Variants in NIBAN2 observed in about 807,000 individuals in gnomAD.
NIBAN2 encodes the protein protein Niban 2.
A neutral mutation model predicts 81.8 loss-of-function variants in NIBAN2; 36 were observed. That is an observed-to-expected ratio of 0.44 (90% CI 0.34 to 0.58). NIBAN2 has a LOEUF of 0.58. Ranked by LOEUF, NIBAN2 falls within the 20% of genes least tolerant of loss-of-function variation. The probability of loss-of-function intolerance (pLI) is 0.02; values close to 1 mark genes in which losing one functional copy is unlikely to be tolerated. For synonymous variants in NIBAN2, 445 were observed against 441.6 expected (o/e 1.01, Z -0.10); for missense variants, 897 against 1,014.1 (o/e 0.88, Z 1.57).
At chr9:127,577,470 C>T (rs1425096334) in intron 1 of NIBAN2, among the ~76,000 whole-genome samples, 1 of 146,776 alleles carries the variant, frequency 6.8e-6, no homozygotes, top group Admixed American at 6.8e-5. Flanking sequence ...CCCACACCAT[C>T]CTCCAGATCC....
In NIBAN2 at chr9:127,507,055, G is replaced by A. The variant is rs1391672529; in HGVS notation, c.2031C>T (p.Pro677=). 7.6e-6 allele frequency: 12 copies of A among 1,578,174 alleles called. No individual in the cohort carries two copies. Among genetic ancestry groups the A allele is most frequent in the South Asian group, 1.1e-5 (1 of 88,194 alleles). Residue 677 remains proline (P), a synonymous_variant, in exon 14 of 14, where the codon CCC becomes CCT. Coordinates refer to ENST00000373312, the MANE Select transcript of NIBAN2 (RefSeq NM_022833.4). This position sits in a 1 kb window ranked among gnomAD's most constrained non-coding sequence, Gnocchi z 6.8. The part of the protein sequence containing the change: ...PPAGPLLNGA[P]AGESPQPKAA... ...CCTTAGGCTGGGGACTCTCCCCAGC[G>A]GGGGCCCCGTTGAGCAGGGGGCCGG...
At chr9:127,569,179 C>T (rs1421818738), upstream of NIBAN2, 1 of 687,886 alleles carries the variant, frequency 1.5e-6, no homozygotes, top group Non-Finnish European at 1.8e-6. Context: ...TGCCCTGCGC[C>T]CGCCGCGTCC....
At chr9:127,570,070 T>G (rs942149607), upstream of NIBAN2, among the ~76,000 whole-genome samples, 4 of 152,170 alleles carry the variant, frequency 2.6e-5, no homozygotes, top group Non-Finnish European at 5.9e-5. Flanking sequence ...TCAGATCTCC[T>G]GATCTGCACT....
intron 3 of NIBAN2, 102 bp from the exon 4 acceptor site, chr9:127,525,265 G>A (rs911094511): frequency 2.6e-6 from 2 of 766,194 alleles, no homozygotes; most frequent in Non-Finnish European, 2.2e-6. Flanking sequence ...AAGTGGGGAG[G>A]AGAAGGGAAA....
intron 2 of NIBAN2, among the ~76,000 whole-genome samples, chr9:127,527,525 C>A (rs1837098020): frequency 6.6e-6 from 1 of 152,222 alleles, no homozygotes; most frequent in Admixed American, 6.5e-5. Flanking sequence ...AGACTCGGAG[C>A]CGTGGAGGGG....
At chr9:127,523,610 G>A in intron 5 of NIBAN2, 69 bp downstream of exon 5, 10 of 1,515,228 alleles carry the variant, frequency 6.6e-6, no homozygotes, top group Non-Finnish European at 9.0e-6. Context: ...GCCACTAGGT[G>A]TCACCATTCA....
chr9:127,527,513 C>T (rs1201934068), intron 2 of NIBAN2, among the ~76,000 whole-genome samples, 191 bp from the exon 3 acceptor site: 1 of 152,160 alleles, frequency 6.6e-6, no homozygotes, highest in Non-Finnish European at 1.5e-5. Context: ...AGAGGAGGAG[C>T]GAGACTCGGA....
rs756681587 is a variant in NIBAN2 at position 127,510,149 on chromosome 9, G to C, written c.1158C>G (p.Gly386=). The C allele has an allele frequency of 3.1e-6, 5 of 1,609,188 alleles. No homozygotes were observed. In the African/African-American group the frequency reaches 5.3e-5, roughly 17 times the overall value. Residue 386 remains glycine, a synonymous_variant, in exon 9 of 14, where the codon GGC becomes GGG. Coordinates refer to ENST00000373312, the MANE Select transcript of NIBAN2 (RefSeq NM_022833.4). Reference sequence around the variant, plus strand: ...CTAGGGGCGGTGCCGGCCTCACCTCGCCCAGCTTGTCAATGCCGCCCTCGT... The same window carrying C: ...CTAGGGGCGGTGCCGGCCTCACCTCCCCCAGCTTGTCAATGCCGCCCTCGT... ...VINEGGIDKL[G]EYMEKLSRLA...
chr9:127,514,193 T>TG (rs1464615311), intron 8 of NIBAN2, among the ~76,000 whole-genome samples: 2 of 143,368 alleles, frequency 1.4e-5, no homozygotes, highest in Non-Finnish European at 3.0e-5. Context: ...CACTTGAGCC[T>TG]GGGAGGCAGG....
intron 5 of NIBAN2, among the ~76,000 whole-genome samples, chr9:127,520,173 A>ATGC (rs1284562154): frequency 6.7e-6 from 1 of 149,518 alleles, no homozygotes; most frequent in Non-Finnish European, 1.5e-5. Flanking sequence ...CCAAATTCAT[A>ATGC]TGCTGGAGTC....
chr9:127,574,967 G>T (rs1837990649), intron 1 of NIBAN2, among the ~76,000 whole-genome samples: 1 of 152,160 alleles, frequency 6.6e-6, no homozygotes, highest in African/African-American at 2.4e-5. Flanking sequence ...CCAGGGAACT[G>T]GCCTCCCTGC....
intron 2 of NIBAN2, among the ~76,000 whole-genome samples, chr9:127,529,986 C>A (rs528112246): frequency 6.6e-6 from 1 of 152,160 alleles, no homozygotes; most frequent in South Asian, 2.1e-4. Flanking sequence ...TGAGGCCTCA[C>A]GCAGAGGAAA....
chr9:127,510,285 G>A lies in NIBAN2; in HGVS notation c.1022C>T (p.Pro341Leu), dbSNP rs1347550190. 1 of 1,614,088 alleles carries A rather than the reference G, an allele frequency of 6.2e-7. No individual in the cohort carries two copies. Among genetic ancestry groups the A allele is most frequent in the South Asian group, 1.1e-5 (1 of 91,078 alleles). The change falls in exon 9 of 14, where the codon CCC (proline) becomes CTC (leucine). Residue 341 changes from proline (P) to leucine (L), a missense_variant. This residue lies in a region of NIBAN2 where 619 missense variants were observed against 691.0 expected (regional missense o/e 0.90). Coordinates refer to ENST00000373312, the MANE Select transcript of NIBAN2 (RefSeq NM_022833.4). ...AEVCVRNHVQ[P>L]YIPSILEALM... ...GGCCTCCAGGATGGATGGGATGTAG[G>A]GCTGGACATGGTTCCGCACGCACAC...
chr9:127,572,799 C>T (rs936467969), upstream of NIBAN2, among the ~76,000 whole-genome samples: 1 of 152,054 alleles, frequency 6.6e-6, no homozygotes, highest in African/African-American at 2.4e-5. Flanking sequence ...AATGCCAGCA[C>T]TCTGGGAAGC....
chr9:127,571,680 G>A (rs2032172957), upstream of NIBAN2, among the ~76,000 whole-genome samples: 1 of 149,466 alleles, frequency 6.7e-6, no homozygotes, highest in African/African-American at 2.5e-5. Flanking sequence ...TGGTGACAGA[G>A]TGAGACTCCA....
At chr9:127,528,710 G>A (rs1837123248) in intron 2 of NIBAN2, among the ~76,000 whole-genome samples, 1 of 152,250 alleles carries the variant, frequency 6.6e-6, no homozygotes, top group South Asian at 2.1e-4. Context: ...CCCACACACA[G>A]TGGGCTTTGC....
At chr9:127,552,842 C>T (rs910402551) in intron 1 of NIBAN2, among the ~76,000 whole-genome samples, 1 of 151,980 alleles carries the variant, frequency 6.6e-6, no homozygotes, top group Admixed American at 6.6e-5. Context: ...GTGTCCACCA[C>T]CACCACGCCT....
intron 1 of NIBAN2, among the ~76,000 whole-genome samples, chr9:127,566,581 C>A (rs1241026227): frequency 6.6e-6 from 1 of 152,164 alleles, no homozygotes; most frequent in Non-Finnish European, 1.5e-5. Flanking sequence ...TGCTCACCTG[C>A]TTGGGGCGGG....
In NIBAN2 at chr9:127,517,760, C is replaced by T; in HGVS notation, c.705+66G>A. 1 of 1,229,472 alleles carries T rather than the reference C, an allele frequency of 8.1e-7. No homozygotes were observed. Among genetic ancestry groups the T allele is most frequent in the Non-Finnish European group, 1.2e-6 (1 of 846,828 alleles). 76.2% of individuals were successfully genotyped at this position (1,229,472 alleles called of 1,614,324 possible). On this transcript the variant is annotated intron_variant, in intron 6 of 13. Transcript: ENST00000373312. This position sits in a 1 kb window ranked among gnomAD's most constrained non-coding sequence, Gnocchi z 4.0. ...AGAGCCCCATCTCTGTACCCCACCC[C>T]CTGCCCTCCCCTGCTGGGTCCTTGG...
Sources: gnomAD v4.1 joint callset for allele counts (sites outside exome capture counted in the v4.1 genomes callset) on GRCh38, gnomAD v4.1.1 for gene constraint, gnomAD v4.1.1 regional missense constraint, Gnocchi (gnomAD v3.1) non-coding constraint, MANE v1.5 for transcripts, NCBI Gene and HGNC (gene_info 2026-07-23, HGNC 2026-07-21) for gene names.